LAMA4: variants seen among roughly 807,000 people sequenced by gnomAD.
The protein encoded by LAMA4 is laminin subunit alpha-4.
Under a neutral mutation model 207.1 loss-of-function variants are expected in LAMA4, and 127 were observed. That is an observed-to-expected ratio of 0.61 (90% CI 0.53 to 0.71). The LOEUF (loss-of-function observed/expected upper bound fraction) is 0.71, where lower values mean the gene tolerates loss of function less well. Ranked by LOEUF, LAMA4 falls within the 30% of genes least tolerant of loss-of-function variation. The pLI is 0.00. For missense variants in LAMA4, 2,093 were observed against 2,246.5 expected (o/e 0.93, Z 1.38); for synonymous variants, 761 against 816.0 (o/e 0.93, Z 1.15).
intron 2 of LAMA4, among the ~76,000 whole-genome samples, chr6:112,241,477 C>G (rs1786512545): frequency 6.6e-6 from 1 of 151,838 alleles, no homozygotes; most frequent in Admixed American, 6.6e-5. Context: ...GACTTAGAAA[C>G]AGATGTTAGA....
intron 9 of LAMA4, chr6:112,179,991 T>C (rs544272663): frequency 1.4e-4 from 71 of 517,710 alleles, no homozygotes; most frequent in African/African-American, 1.2e-3. Flanking sequence ...TAAAATTAAA[T>C]ATGCAGAAAC....
intron 3 of LAMA4, among the ~76,000 whole-genome samples, chr6:112,207,777 G>A (rs73542561): frequency 0.055 from 8,338 of 152,132 alleles, 720 homozygotes; most frequent in African/African-American, 0.19. Context: ...CACAAAGCAG[G>A]CTGACCCTTC....
chr6:112,151,685 C>T (rs1056020439), intron 16 of LAMA4, among the ~76,000 whole-genome samples: 1 of 151,952 alleles, frequency 6.6e-6, no homozygotes, highest in South Asian at 2.1e-4. Context: ...AAAATTAAAT[C>T]GGATTTTTAC....
chr6:112,217,189 C>A (rs1390521747), intron 2 of LAMA4, among the ~76,000 whole-genome samples: 5 of 152,132 alleles, frequency 3.3e-5, no homozygotes, highest in African/African-American at 1.2e-4. Context: ...CTGTCATGCA[C>A]CAATTGACCT....
At chr6:112,200,357 G>A (rs1383559239) in intron 5 of LAMA4, among the ~76,000 whole-genome samples, 3 of 152,196 alleles carry the variant, frequency 2.0e-5, no homozygotes, top group Non-Finnish European at 4.4e-5. Flanking sequence ...AGTTAGAATG[G>A]CAATCATTAA....
chr6:112,216,457 C>T lies in LAMA4; in HGVS notation c.208G>A (p.Gly70Arg). ...TCTCCCGACAGGGTGTGAAAGAATC[C>T]AGCATTGCATTTCTGCAACAGACAC... ...LPPAAEKCNA[G>R]FFHTLSGECV... The change falls in exon 3 of 39, where the codon GGA becomes AGA. Residue 70 changes from glycine (G) to arginine (R), a missense_variant. This residue lies in a region of LAMA4 where 1,704 missense variants were observed against 1,788.4 expected (regional missense o/e 0.95). Transcript: ENST00000230538. 6.2e-7 allele frequency: 1 copy of T among 1,612,708 alleles called. No homozygotes were observed. Among genetic ancestry groups the T allele is most frequent in the Non-Finnish European group, 8.5e-7 (1 of 1,178,736 alleles).
intron 4 of LAMA4, among the ~76,000 whole-genome samples, chr6:112,205,607 C>A (rs1200143024): frequency 1.3e-5 from 2 of 152,120 alleles, no homozygotes; most frequent in Non-Finnish European, 2.9e-5. Flanking sequence ...GCACAGACTC[C>A]TGTAATTCTT....
intron 5 of LAMA4, among the ~76,000 whole-genome samples, chr6:112,198,743 C>A (rs1047025258): frequency 4.6e-5 from 7 of 152,172 alleles, no homozygotes; most frequent in African/African-American, 1.7e-4. Context: ...AATGAGCCAA[C>A]GTGTCCCAGG....
chr6:112,119,988 A>G (rs587667389), intron 33 of LAMA4, among the ~76,000 whole-genome samples: 12 of 152,332 alleles, frequency 7.9e-5, no homozygotes, highest in Non-Finnish European at 1.3e-4. Context: ...ATAATTGCTG[A>G]AAAGTAAAAA....
intron 21 of LAMA4, 62 bp downstream of exon 21, chr6:112,141,296 G>A: frequency 6.9e-7 from 1 of 1,446,794 alleles, no homozygotes; most frequent in Non-Finnish European, 9.7e-7. Flanking sequence ...ACGCACATGT[G>A]CACGTTCAAC....
chr6:112,196,439 A>G (rs1313185336), intron 5 of LAMA4: 4 of 152,176 alleles, frequency 2.6e-5, no homozygotes, highest in African/African-American at 9.7e-5. Context: ...CATGCAGGAT[A>G]AAAAATGTGG....
At chr6:112,199,714 A>G (rs932306045) in intron 5 of LAMA4, among the ~76,000 whole-genome samples, 14 of 152,092 alleles carry the variant, frequency 9.2e-5, no homozygotes, top group Admixed American at 2.6e-4. Flanking sequence ...TTTAATAATC[A>G]TAATAACAAT....
chr6:112,151,785 A>G (rs967137647), intron 16 of LAMA4, among the ~76,000 whole-genome samples: 1 of 152,044 alleles, frequency 6.6e-6, no homozygotes, highest in Non-Finnish European at 1.5e-5. Context: ...GCTGAATATT[A>G]TTTTATTTTT....
At chr6:112,226,652 A>G (rs1554362623) in intron 2 of LAMA4, among the ~76,000 whole-genome samples, 1 of 152,230 alleles carries the variant, frequency 6.6e-6, no homozygotes, top group Non-Finnish European at 1.5e-5. Context: ...CTCATCACCT[A>G]TCATAGTCAT....
chr6:112,213,726 C>G (rs1784475631), intron 3 of LAMA4: 1 of 282,730 alleles, frequency 3.5e-6, no homozygotes, highest in Non-Finnish European at 6.5e-6. Flanking sequence ...TAGTTAAAAT[C>G]AGTCTGTAAA....
At chr6:112,163,782 TGATATTTAAAAGATAGGA>T (rs1781225675) in intron 13 of LAMA4, among the ~76,000 whole-genome samples, 5 of 152,162 alleles carry the variant, frequency 3.3e-5, no homozygotes, top group Admixed American at 3.3e-4. Flanking sequence ...TTTTTCTTTT[TGATATTTAAAAGATAGGA>T]GATAGTACAG....
At position 112,108,522 on chromosome 6, in the gene LAMA4, C is replaced by T. The variant is rs782425461; in HGVS notation, c.*915G>A. 8.5e-5 allele frequency among the ~76,000 whole-genome samples: 13 copies of T among 152,188 alleles called. No individual in the cohort carries two copies. The highest frequency in any genetic ancestry group is 2.1e-4 in the South Asian group (1 of 4,822). On this transcript the variant is annotated 3_prime_UTR_variant, in exon 39 of 39. Coordinates refer to ENST00000230538, the MANE Select transcript of LAMA4 (RefSeq NM_001105206.3). ...GCAGCCTTGAACTCCTGAGCTTAAG[C>T]GATCCTCCCGTCTCAGCCTCCCAAG...
Position 112,144,822 on chromosome 6 carries a change from A to G in LAMA4, c.2465T>C (p.Ile822Thr), listed in dbSNP as rs369962703. The change falls in exon 19 of 39, where the codon ATT becomes ACT. Residue 822 changes from isoleucine (I) to threonine (T), a missense_variant. Transcript: ENST00000230538. ...SASIQRIRELIAQTRSVASKI... is the reference protein window; with the variant it reads ...SASIQRIRELTAQTRSVASKI... ...GCTGGCAACACTTCTGGTCTGAGCA[A>G]TGAGCTCTCGGATCCTCTGGATGCT... is the stretch of plus-strand genomic sequence containing the variant. 5.0e-6 allele frequency: 8 copies of G among 1,613,806 alleles called. No individual in the cohort carries two copies. The highest frequency in any genetic ancestry group is 6.8e-6 in the Non-Finnish European group (8 of 1,180,010).
At chr6:112,151,509 A>G (rs1780402640) in intron 16 of LAMA4, among the ~76,000 whole-genome samples, 1 of 152,104 alleles carries the variant, frequency 6.6e-6, no homozygotes, top group African/African-American at 2.4e-5. Flanking sequence ...TACTCAATGA[A>G]TATGGTATTT....
Sources: gnomAD v4.1 joint callset for allele counts (sites outside exome capture counted in the v4.1 genomes callset) on GRCh38, gnomAD v4.1.1 for gene constraint, gnomAD v4.1.1 regional missense constraint, MANE v1.5 for transcripts, NCBI Gene and HGNC (gene_info 2026-07-23, HGNC 2026-07-21) for gene names.